IL1RAPL2: variants seen among roughly 807,000 people sequenced by gnomAD.
IL1RAPL2 encodes interleukin 1 receptor accessory protein like 2, also known as X-linked interleukin-1 receptor accessory protein-like 2.
In IL1RAPL2, 3 loss-of-function variants were observed where a neutral mutation model predicts 44.1. That is an observed-to-expected ratio of 0.07 (90% CI 0.03 to 0.18). The LOEUF is 0.18. Among genes scored for constraint, IL1RAPL2 ranks in the 10% least tolerant of loss-of-function variants. The pLI, the probability that IL1RAPL2 is intolerant of heterozygous loss-of-function variation, is 1.00. For missense variants in IL1RAPL2, 391 were observed against 496.4 expected (o/e 0.79, Z 2.02); for synonymous variants, 181 against 178.8 (o/e 1.01, Z -0.10).
At chrX:104,871,012 ACT>A (rs1225033448) in intron 2 of IL1RAPL2, among the ~76,000 whole-genome samples, 1 of 110,582 alleles carries the variant, frequency 9.0e-6, no homozygotes, top group Non-Finnish European at 1.9e-5. Context: ...TTCCCCTGAG[ACT>A]CTGAAAGCAT....
chrX:104,924,099 C>T (rs1333139301), intron 2 of IL1RAPL2, among the ~76,000 whole-genome samples: 1 of 108,301 alleles, frequency 9.2e-6, no homozygotes, highest in Admixed American at 9.9e-5. Context: ...TTCAATACAG[C>T]AAGAAGATGT....
chrX:105,577,652 C>G (rs1312761296), intron 6 of IL1RAPL2, among the ~76,000 whole-genome samples: 1 of 110,297 alleles, frequency 9.1e-6, no homozygotes, highest in Non-Finnish European at 1.9e-5. Flanking sequence ...AAAGCATGCC[C>G]TCACCCTCCT....
intron 5 of IL1RAPL2, among the ~76,000 whole-genome samples, chrX:105,319,832 A>C (rs1432760709): frequency 8.9e-6 from 1 of 112,136 alleles, no homozygotes; most frequent in East Asian, 2.8e-4. Flanking sequence ...TGATCTTGAT[A>C]GATTCAGAAG....
chrX:105,141,529 C>A (rs748269345), intron 2 of IL1RAPL2, among the ~76,000 whole-genome samples: 20 of 111,507 alleles, frequency 1.8e-4, no homozygotes, highest in African/African-American at 6.5e-4. Context: ...TGCCATGTTT[C>A]AGAATATTTA....
At chrX:104,624,151 C>CA (rs1176623923) in intron 1 of IL1RAPL2, among the ~76,000 whole-genome samples, 1 of 111,599 alleles carries the variant, frequency 9.0e-6, no homozygotes, top group Non-Finnish European at 1.9e-5. Flanking sequence ...TTCTTTTTGA[C>CA]AAAAAATGAC....
At chrX:105,364,635 T>G (rs373612414) in intron 5 of IL1RAPL2, among the ~76,000 whole-genome samples, 15 of 111,231 alleles carry the variant, frequency 1.3e-4, no homozygotes, top group African/African-American at 4.9e-4. Context: ...CTTCACCTCC[T>G]TGGATAAATT....
intron 2 of IL1RAPL2, among the ~76,000 whole-genome samples, chrX:104,789,200 T>TA (rs759638946): frequency 0.012 from 1,320 of 111,839 alleles, 16 homozygotes; most frequent in African/African-American, 0.041. Flanking sequence ...TGGGGCGTAT[T>TA]GCATGATGCT....
At chrX:105,243,674 G>C (rs1259087840) in intron 4 of IL1RAPL2, among the ~76,000 whole-genome samples, 1 of 105,766 alleles carries the variant, frequency 9.5e-6, no homozygotes, top group Non-Finnish European at 1.9e-5. Flanking sequence ...AGTTCAATAG[G>C]GTTTTCTTTT....
intron 5 of IL1RAPL2, among the ~76,000 whole-genome samples, chrX:105,367,373 T>C (rs1411070196): frequency 8.9e-6 from 1 of 111,778 alleles, no homozygotes; most frequent in African/African-American, 3.2e-5. Flanking sequence ...TACTTACCTA[T>C]TGGCATTTGT....
intron 10 of IL1RAPL2, among the ~76,000 whole-genome samples, chrX:105,758,279 A>T (rs746874765): frequency 8.9e-6 from 1 of 111,908 alleles, no homozygotes; most frequent in African/African-American, 3.2e-5. Context: ...TATGACATAA[A>T]CCCATTCATA....
chrX:105,401,708 T>A (rs1485036307), intron 5 of IL1RAPL2, among the ~76,000 whole-genome samples: 2 of 110,858 alleles, frequency 1.8e-5, no homozygotes, highest in African/African-American at 6.5e-5. Context: ...ATTATTAGCT[T>A]TTTTAAAAGA....
At chrX:105,082,413 A>G (rs558983077) in intron 2 of IL1RAPL2, among the ~76,000 whole-genome samples, 3 of 111,253 alleles carry the variant, frequency 2.7e-5, no homozygotes, top group African/African-American at 9.8e-5. Flanking sequence ...TGATCTTTTC[A>G]AAAACCAGGT....
chrX:105,001,598 A>G (rs1243116693), intron 2 of IL1RAPL2, among the ~76,000 whole-genome samples: 1 of 111,804 alleles, frequency 8.9e-6, no homozygotes, highest in Admixed American at 9.5e-5. Flanking sequence ...AGAGAAGATG[A>G]AACAGTTAAA....
intron 1 of IL1RAPL2, among the ~76,000 whole-genome samples, chrX:104,590,641 T>C (rs772991652): frequency 6.2e-4 from 69 of 111,932 alleles, no homozygotes; most frequent in African/African-American, 2.1e-3. Flanking sequence ...CAAGCTGTGA[T>C]CTGCATCTTA....
intron 6 of IL1RAPL2, among the ~76,000 whole-genome samples, chrX:105,665,926 C>A (rs1216469710): frequency 2.7e-4 from 29 of 107,667 alleles, no homozygotes; most frequent in Admixed American, 1.5e-3. Flanking sequence ...CCACGCCCGG[C>A]TAATTTTTTG....
chrX:104,590,457 ATTG>A (rs200829506), intron 1 of IL1RAPL2, among the ~76,000 whole-genome samples: 3,151 of 112,034 alleles, frequency 0.028, 129 homozygotes, highest in African/African-American at 0.097. Context: ...GAATGAACCT[ATTG>A]TTCTTATCTA....
At chrX:105,697,015 G>A (rs1443568312) in intron 6 of IL1RAPL2, among the ~76,000 whole-genome samples, 1 of 111,020 alleles carries the variant, frequency 9.0e-6, no homozygotes, top group Non-Finnish European at 1.9e-5. Context: ...AAGGTGAAGG[G>A]GAAGTAGGGG....
intron 6 of IL1RAPL2, among the ~76,000 whole-genome samples, chrX:105,587,507 C>T (rs2037137452): frequency 9.0e-6 from 1 of 111,061 alleles, no homozygotes; most frequent in Non-Finnish European, 1.9e-5. Context: ...TAATAGTTTA[C>T]TATCTTCTGC....
At chrX:105,199,843 G>A (rs1446815765) in intron 3 of IL1RAPL2, among the ~76,000 whole-genome samples, 1 of 112,356 alleles carries the variant, frequency 8.9e-6, no homozygotes, top group Non-Finnish European at 1.9e-5. Context: ...GTGTGCCTTA[G>A]TAAGGAAAAA....
Sources: gnomAD v4.1 joint callset for allele counts (sites outside exome capture counted in the v4.1 genomes callset) on GRCh38, gnomAD v4.1.1 for gene constraint, MANE v1.5 for transcripts, NCBI Gene and HGNC (gene_info 2026-07-23, HGNC 2026-07-21) for gene names.